The following DCC variants were observed in gnomAD, a reference collection of about 807,000 sequenced individuals.
The protein encoded by DCC is DCC netrin 1 receptor.
In DCC, 58 loss-of-function variants were observed where a neutral mutation model predicts 172.5. The ratio of observed to expected loss-of-function variants is 0.34; its 90% CI spans 0.27 to 0.42. The LOEUF (loss-of-function observed/expected upper bound fraction) is 0.42. Among genes scored for constraint, DCC ranks in the 10% least tolerant of loss-of-function variants. The probability of loss-of-function intolerance (pLI) is 1.00; values close to 1 mark genes in which losing one functional copy is unlikely to be tolerated. For missense variants in DCC, 1,740 were observed against 1,791.0 expected (o/e 0.97, Z 0.51); for synonymous variants, 709 against 644.5 (o/e 1.10, Z -1.52).
At chr18:52,635,406 A>G (rs1202612228) in intron 1 of DCC, among the ~76,000 whole-genome samples, 1 of 152,238 alleles carries the variant, frequency 6.6e-6, no homozygotes, top group East Asian at 1.9e-4. Flanking sequence ...ATATAAACCC[A>G]AAGGCATCAT....
intron 22 of DCC, among the ~76,000 whole-genome samples, chr18:53,442,448 G>T (rs1245205786): frequency 6.6e-6 from 1 of 152,144 alleles, no homozygotes; most frequent in Non-Finnish European, 1.5e-5. Context: ...ATAAGATGAT[G>T]ATCTTAACCG....
chr18:53,007,978 G>A (rs1486251662), intron 5 of DCC, among the ~76,000 whole-genome samples: 1 of 152,034 alleles, frequency 6.6e-6, no homozygotes, highest in African/African-American at 2.4e-5. Context: ...AATCACTTAA[G>A]CCAAATTCAC....
intron 5 of DCC, among the ~76,000 whole-genome samples, chr18:52,947,913 T>G (rs1391185142): frequency 1.3e-5 from 2 of 152,148 alleles, no homozygotes. Context: ...TGGGACATAT[T>G]TAAGAAGGAC....
chr18:52,713,510 T>C lies in DCC; in HGVS notation c.92-38544T>C, dbSNP rs756794350. 2.0e-4 allele frequency among the ~76,000 whole-genome samples: 31 copies of C among 152,190 alleles called. 1 individual carries two copies. The highest frequency in any genetic ancestry group is 3.8e-4 in the Non-Finnish European group (26 of 68,022). On this transcript the variant is annotated intron_variant, in intron 1 of 28. Coordinates refer to ENST00000442544, the MANE Select transcript of DCC (RefSeq NM_005215.4). The stretch of plus-strand genomic sequence containing the variant: ...TCTGGGGTGCTTGATGGCCTCTTAA[T>C]GTTTTGAAGCACAGCCGGCAGCATG...
chr18:52,894,521 CT>C (rs1395204791), intron 2 of DCC, among the ~76,000 whole-genome samples: 1 of 151,292 alleles, frequency 6.6e-6, no homozygotes, highest in Admixed American at 6.6e-5. Flanking sequence ...ATCTATCCAT[CT>C]ATTTAGAAAG....
intron 15 of DCC, among the ~76,000 whole-genome samples, chr18:53,357,068 C>G (rs1251983765): frequency 6.6e-6 from 1 of 152,134 alleles, no homozygotes; most frequent in East Asian, 1.9e-4. Context: ...GGGATACATC[C>G]ACTCCCTATT....
intron 1 of DCC, among the ~76,000 whole-genome samples, chr18:52,589,987 A>G (rs994365717): frequency 1.5e-4 from 23 of 152,296 alleles, no homozygotes; most frequent in African/African-American, 4.6e-4. Flanking sequence ...TTCATGGTAA[A>G]AATCTATGCT....
chr18:52,750,525 A>G (rs981508469), intron 1 of DCC, among the ~76,000 whole-genome samples: 3 of 152,194 alleles, frequency 2.0e-5, no homozygotes, highest in Admixed American at 6.5e-5. Context: ...ATGCTTTCTG[A>G]GTGAGTGGCC....
chr18:53,417,349 A>G (rs1390709942), intron 21 of DCC, among the ~76,000 whole-genome samples: 2 of 152,206 alleles, frequency 1.3e-5, no homozygotes, highest in Non-Finnish European at 2.9e-5. Flanking sequence ...GACTGTGCAC[A>G]GCAATGGCTA....
chr18:53,445,574 A>G (rs1031253478), intron 22 of DCC, among the ~76,000 whole-genome samples: 2 of 152,220 alleles, frequency 1.3e-5, no homozygotes, highest in African/African-American at 2.4e-5. Flanking sequence ...CTGGTCTATC[A>G]ATGAGCTTGC....
chr18:52,956,418 C>A (rs773547189), intron 5 of DCC, among the ~76,000 whole-genome samples: 1 of 151,930 alleles, frequency 6.6e-6, no homozygotes. Context: ...AGCTCTCTGT[C>A]CTGTTCCATT....
At chr18:52,559,252 C>T (rs1057255787) in intron 1 of DCC, among the ~76,000 whole-genome samples, 2 of 152,156 alleles carry the variant, frequency 1.3e-5, no homozygotes, top group African/African-American at 4.8e-5. Flanking sequence ...GCTGGGACTA[C>T]AGACATGTGC....
intron 2 of DCC, among the ~76,000 whole-genome samples, chr18:52,861,505 TC>T (rs1443299838): frequency 6.6e-6 from 1 of 152,222 alleles, no homozygotes; most frequent in Non-Finnish European, 1.5e-5. Flanking sequence ...ATGAATAGTT[TC>T]CAAATTTTGG....
chr18:52,977,892 A>AT (rs1318972154), intron 5 of DCC, among the ~76,000 whole-genome samples: 7 of 147,486 alleles, frequency 4.7e-5, no homozygotes, highest in Non-Finnish European at 1.0e-4. Context: ...CTCAAAAAAA[A>AT]AAAGAAAAGA....
intron 13 of DCC, among the ~76,000 whole-genome samples, chr18:53,306,624 A>C (rs939634486): frequency 6.6e-6 from 1 of 152,220 alleles, no homozygotes; most frequent in Non-Finnish European, 1.5e-5. Flanking sequence ...CCAACAGCTT[A>C]CTGATTACTC....
intron 1 of DCC, among the ~76,000 whole-genome samples, chr18:52,719,572 T>C (rs1180653241): frequency 6.7e-6 from 1 of 150,346 alleles, no homozygotes; most frequent in African/African-American, 2.4e-5. Flanking sequence ...TCATGGCACT[T>C]ATGGTCCAGC....
chr18:53,007,921 G>C (rs1044710887), intron 5 of DCC, among the ~76,000 whole-genome samples: 2 of 151,992 alleles, frequency 1.3e-5, no homozygotes, highest in African/African-American at 4.8e-5. Context: ...CTGGTGATTT[G>C]ACCAGCTGAC....
intron 1 of DCC, among the ~76,000 whole-genome samples, chr18:52,520,515 C>A (rs946781026): frequency 1.3e-5 from 2 of 152,012 alleles, no homozygotes; most frequent in African/African-American, 4.8e-5. Context: ...CCGGAGATGT[C>A]CAAGATTGTG....
intron 1 of DCC, among the ~76,000 whole-genome samples, chr18:52,444,270 A>G (rs1254789110): frequency 6.6e-6 from 1 of 152,226 alleles, no homozygotes; most frequent in East Asian, 1.9e-4. Context: ...TTTCAAATAT[A>G]AACTAAAACA....
Sources: allele counts gnomAD v4.1 joint callset (sites outside exome capture counted in the v4.1 genomes callset), GRCh38; gene constraint gnomAD v4.1.1; transcripts MANE v1.5; gene names NCBI Gene and HGNC (gene_info 2026-07-23, HGNC 2026-07-21).